The following GATAD2A variants were observed in gnomAD, a reference collection of about 807,000 sequenced individuals.
The protein encoded by GATAD2A is transcriptional repressor p66-alpha.
In GATAD2A, 12 loss-of-function variants were observed where a neutral mutation model predicts 68.5. That is an observed-to-expected ratio of 0.18 (90% CI 0.11 to 0.28). GATAD2A has a LOEUF of 0.28. Ranked by LOEUF, GATAD2A falls within the 10% of genes least tolerant of loss-of-function variation. The pLI is 1.00. For missense variants in GATAD2A, 755 were observed against 868.5 expected, an observed-to-expected ratio of 0.87 and a Z score of 1.64; for synonymous variants, 410 against 375.3, an observed-to-expected ratio of 1.09 and a Z score of -1.07.
intron 2 of GATAD2A, among the ~76,000 whole-genome samples, chr19:19,490,619 A>ATTC (rs2059727489): frequency 6.6e-6 from 1 of 152,100 alleles, no homozygotes; most frequent in Non-Finnish European, 1.5e-5. Context: ...AATGGACTTG[A>ATTC]TTCACTTCGA....
chr19:19,494,462 C>T, intron 5 of GATAD2A, 79 bp downstream of exon 5: 2 of 872,472 alleles, frequency 2.3e-6, no homozygotes, highest in East Asian at 2.6e-5. Flanking sequence ...GGCTCCCAAA[C>T]AGCCCTGGCC....
At chr19:19,417,125 C>A (rs1371901594) in intron 1 of GATAD2A, among the ~76,000 whole-genome samples, 2 of 152,100 alleles carry the variant, frequency 1.3e-5, no homozygotes, top group Non-Finnish European at 2.9e-5. Context: ...CGGCAGATAC[C>A]CTGTGGAATG....
chr19:19,431,714 T>G (rs536519360), intron 1 of GATAD2A, among the ~76,000 whole-genome samples: 5 of 151,074 alleles, frequency 3.3e-5, no homozygotes, highest in Non-Finnish European at 5.9e-5. Flanking sequence ...AAAAAAAAAT[T>G]TACTAAGCAC....
chr19:19,447,642 T>C (rs1336943803), intron 1 of GATAD2A, among the ~76,000 whole-genome samples: 1 of 152,172 alleles, frequency 6.6e-6, no homozygotes, highest in Non-Finnish European at 1.5e-5. Flanking sequence ...TGGGGCTGCG[T>C]TGAGAGCAGA....
chr19:19,453,998 G>A (rs886581522), intron 1 of GATAD2A, among the ~76,000 whole-genome samples: 3 of 136,164 alleles, frequency 2.2e-5, no homozygotes, highest in African/African-American at 8.4e-5. Context: ...TTTATTTTTT[G>A]TTTTTGTTTT....
At chr19:19,415,066 A>G (rs945986056) in intron 1 of GATAD2A, among the ~76,000 whole-genome samples, 1 of 150,360 alleles carries the variant, frequency 6.7e-6, no homozygotes, top group African/African-American at 2.5e-5. Context: ...GGCCTGGACA[A>G]CATAGTGAGA....
At chr19:19,410,420 G>A (rs191856477) in intron 1 of GATAD2A, among the ~76,000 whole-genome samples, 1 of 152,278 alleles carries the variant, frequency 6.6e-6, no homozygotes, top group Non-Finnish European at 1.5e-5. Flanking sequence ...AGCTATGCCT[G>A]TGGGGAGGGG....
chr19:19,494,654 C>T (rs1475007171), intron 5 of GATAD2A, among the ~76,000 whole-genome samples: 1 of 152,238 alleles, frequency 6.6e-6, no homozygotes, highest in Non-Finnish European at 1.5e-5. Flanking sequence ...GTGAGCGCCC[C>T]TAGCAAGCCT....
intron 2 of GATAD2A, among the ~76,000 whole-genome samples, chr19:19,482,948 C>A (rs911724647): frequency 6.6e-6 from 1 of 152,128 alleles, no homozygotes; most frequent in Non-Finnish European, 1.5e-5. Flanking sequence ...CTTGTCTCTA[C>A]TACCCTCAGC....
At chr19:19,492,786 A>C (rs1159543935) in intron 4 of GATAD2A, 74 bp downstream of exon 4, 1 of 1,511,020 alleles carries the variant, frequency 6.6e-7, no homozygotes, top group Non-Finnish European at 9.1e-7. Context: ...CATCAATGTC[A>C]GCGGCCAGAA....
chr19:19,490,446 C>G (rs865797985), intron 2 of GATAD2A, among the ~76,000 whole-genome samples: 1 of 152,150 alleles, frequency 6.6e-6, no homozygotes, highest in Non-Finnish European at 1.5e-5. Flanking sequence ...CGACTCTCCT[C>G]AACCCTGCCG....
At chr19:19,394,014 G>A (rs1426912213) in intron 1 of GATAD2A, among the ~76,000 whole-genome samples, 1 of 151,934 alleles carries the variant, frequency 6.6e-6, no homozygotes, top group South Asian at 2.1e-4. Context: ...AGCCTCCCGA[G>A]TAGCTGGGAT....
At chr19:19,415,618 ATTTTTTTTT>A (rs71170682) in intron 1 of GATAD2A, among the ~76,000 whole-genome samples, 1 of 118,056 alleles carries the variant, frequency 8.5e-6, no homozygotes, top group Non-Finnish European at 1.7e-5. Flanking sequence ...CCGGGCTAAT[ATTTTTTTTT>A]TTTTTTTTTT....
chr19:19,471,592 G>A (rs899629936), intron 2 of GATAD2A, among the ~76,000 whole-genome samples: 2 of 152,222 alleles, frequency 1.3e-5, no homozygotes, highest in African/African-American at 4.8e-5. Flanking sequence ...AAATTGTATC[G>A]TGGTGATGAT....
intron 1 of GATAD2A, among the ~76,000 whole-genome samples, chr19:19,397,989 C>T (rs768174746): frequency 1.3e-5 from 2 of 152,138 alleles, no homozygotes; most frequent in South Asian, 2.1e-4. Flanking sequence ...CCACAACCTT[C>T]GCCTTCTGGG....
chr19:19,470,153 TTG>T (rs1568315085), intron 2 of GATAD2A, among the ~76,000 whole-genome samples: 3 of 139,236 alleles, frequency 2.2e-5, no homozygotes, highest in Admixed American at 7.2e-5. Context: ...ATTTTTTTTT[TTG>T]TTTTTTTTTT....
At chr19:19,426,990 G>T (rs180684602) in intron 1 of GATAD2A, among the ~76,000 whole-genome samples, 4 of 152,358 alleles carry the variant, frequency 2.6e-5, no homozygotes, top group Admixed American at 2.6e-4. Flanking sequence ...GGCATGTGAT[G>T]TGTGTGGCTC....
At chr19:19,450,393 T>C (rs906998936) in intron 1 of GATAD2A, among the ~76,000 whole-genome samples, 5 of 152,098 alleles carry the variant, frequency 3.3e-5, no homozygotes, top group Admixed American at 6.6e-5. Flanking sequence ...AAGTGCTGGG[T>C]AGGGAACACC....
chr19:19,502,175 C>T, intron 10 of GATAD2A, 132 bp downstream of exon 10: 3 of 873,640 alleles, frequency 3.4e-6, no homozygotes, highest in Non-Finnish European at 5.4e-6. Flanking sequence ...CCTCCCCCAC[C>T]CCTCTGTGTA....
Sources: allele counts gnomAD v4.1 joint callset (sites outside exome capture counted in the v4.1 genomes callset), GRCh38; gene constraint gnomAD v4.1.1; transcripts MANE v1.5; gene names NCBI Gene and HGNC (gene_info 2026-07-23, HGNC 2026-07-21).